Variants in USP15 observed in about 807,000 individuals in gnomAD.
USP15 encodes the protein ubiquitin specific peptidase 15.
Under a neutral mutation model 127.1 loss-of-function variants are expected in USP15, and 18 were observed. The observed-to-expected ratio is 0.14, with a 90% CI of 0.10 to 0.21. The LOEUF (loss-of-function observed/expected upper bound fraction) is 0.21, where lower values mean the gene tolerates loss of function less well. USP15 is among the 10% of genes least tolerant of loss of function. The pLI is 1.00. For synonymous variants in USP15, 364 were observed against 393.7 expected (o/e 0.92, Z 0.89); for missense variants, 805 against 1,159.9 (o/e 0.69, Z 4.44).
chr12:62,332,955 A>G (rs2065348867), intron 6 of USP15, among the ~76,000 whole-genome samples: 1 of 152,226 alleles, frequency 6.6e-6, no homozygotes, highest in Admixed American at 6.5e-5. Flanking sequence ...TTTTTGGTTG[A>G]GACAGATAGT....
intron 18 of USP15, 50 bp downstream of exon 18, chr12:62,392,437 C>T (rs1373551555): frequency 7.5e-7 from 1 of 1,334,084 alleles, no homozygotes; most frequent in South Asian, 1.3e-5. Context: ...AGGATTTATT[C>T]TGAGATATGT....
chr12:62,393,213 A>G lies in USP15; in HGVS notation c.2570+11A>G, dbSNP rs1054603608. 1.2e-6 allele frequency: 2 copies of G among 1,609,870 alleles called. No homozygotes were observed. Among genetic ancestry groups the G allele is most frequent in the African/African-American group, 2.7e-5 (2 of 74,756 alleles). ...TGATTTTCCTATCAAGTAAGCTTTA[A>G]TTGTACTTTATAAGCATTGGGCAAC... On this transcript the variant is annotated intron_variant, in intron 19 of 21. Transcript: ENST00000280377.
At chr12:62,374,414 C>CATA (rs2066763652) in intron 8 of USP15, 2 of 985,522 alleles carry the variant, frequency 2.0e-6, no homozygotes, top group Admixed American at 6.2e-5. Context: ...AAATAGTGAG[C>CATA]ATACATGATC....
At chr12:62,285,120 A>G (rs1400556388) in intron 1 of USP15, among the ~76,000 whole-genome samples, 3 of 152,118 alleles carry the variant, frequency 2.0e-5, no homozygotes, top group East Asian at 1.9e-4. Flanking sequence ...TAATATTTTT[A>G]TAGATTTAGG....
At position 62,394,191 on chromosome 12, in the gene USP15, T is replaced by G. The variant is rs1485524194; in HGVS notation, c.2570+989T>G. Among the ~76,000 whole-genome samples the G allele has an allele frequency of 6.6e-5, 10 of 152,236 alleles. No individual in the cohort carries two copies. The East Asian group carries it at 1.9e-3, about 29-fold the overall frequency. On this transcript the variant is annotated intron_variant, in intron 19 of 21. Transcript: ENST00000280377. ...AAGGGAACATTGTATTCCCCGTCAC[T>G]TAGTTATTCAGCAGAAGGACTTCAT... is the stretch of plus-strand genomic sequence containing the variant.
At chr12:62,391,741 A>G in intron 16 of USP15, 75 bp from the exon 17 acceptor site, 1 of 1,280,326 alleles carries the variant, frequency 7.8e-7, no homozygotes, top group Non-Finnish European at 1.1e-6. Flanking sequence ...ATTCTGGTGT[A>G]TATCCTAACA....
chr12:62,278,306 A>G (rs964395429), intron 1 of USP15, among the ~76,000 whole-genome samples: 5 of 152,192 alleles, frequency 3.3e-5, no homozygotes, highest in Admixed American at 3.3e-4. Context: ...GCTGTTCTAC[A>G]GCTAACTTTT....
rs1290260580 is a variant in USP15, at chr12:62,410,014, G to T, written c.*5639G>T. 6.6e-6 allele frequency: 1 copy of T among 151,926 alleles called. No individual in the cohort carries two copies. The allele number at this position is 151,926 out of a possible 1,614,324, so 9.4% of individuals were successfully genotyped here. The stretch of plus-strand genomic sequence containing the variant: ...AGTATGCTAAGTTTTAAGTAATTTA[G>T]ACTAATGTATTAAAGTGTTCACTTA... On this transcript the variant is annotated 3_prime_UTR_variant, in exon 22 of 22. Transcript: ENST00000280377.
At chr12:62,325,161 G>A (rs1410102457) in intron 5 of USP15, among the ~76,000 whole-genome samples, 6 of 151,890 alleles carry the variant, frequency 4.0e-5, no homozygotes, top group South Asian at 2.1e-4. Context: ...TAGACTGGAC[G>A]ATATAAGGAA....
At chr12:62,382,152 A>G (rs56126088) in intron 9 of USP15, among the ~76,000 whole-genome samples, 15,656 of 152,060 alleles carry the variant, frequency 0.1, 846 homozygotes, top group Middle Eastern at 0.17. Flanking sequence ...AAGCATTAAA[A>G]ATTAAATGTA....
At chr12:62,385,601 G>A (rs2067123582) in intron 11 of USP15, among the ~76,000 whole-genome samples, 1 of 151,984 alleles carries the variant, frequency 6.6e-6, no homozygotes, top group African/African-American at 2.4e-5. Flanking sequence ...AGAGTGCTAA[G>A]TACTATCCCT....
At position 62,415,194 on chromosome 12, in the gene USP15, A is replaced by G. The variant is rs1161660418; in HGVS notation, c.*10819A>G. On this transcript the variant is annotated 3_prime_UTR_variant, in exon 22 of 22. Coordinates refer to ENST00000280377, the MANE Select transcript of USP15 (RefSeq NM_001252078.2). ...GTTCCAGTCCACAAGCTACCTGGCTAAAGACCCAGGAAGACTGAATGTTTC... is the reference window on the plus strand; with the variant it reads ...GTTCCAGTCCACAAGCTACCTGGCTGAAGACCCAGGAAGACTGAATGTTTC... 3.3e-5 allele frequency: 5 copies of G among 152,206 alleles called. No homozygotes were observed. The highest frequency in any genetic ancestry group is 6.5e-5 in the Admixed American group (1 of 15,268). The allele number at this position is 152,206 out of a possible 1,614,324, so 9.4% of individuals were successfully genotyped here.
At chr12:62,316,209 C>T (rs1480126416) in intron 4 of USP15, among the ~76,000 whole-genome samples, 1 of 148,926 alleles carries the variant, frequency 6.7e-6, no homozygotes. Flanking sequence ...TTGCTTGAAC[C>T]GGGAGGTGGA....
intron 3 of USP15, among the ~76,000 whole-genome samples, chr12:62,313,123 A>G (rs936459197): frequency 6.6e-6 from 1 of 151,578 alleles, no homozygotes; most frequent in Non-Finnish European, 1.5e-5. Context: ...GATTTTAGCA[A>G]TGTAAAATGT....
intron 1 of USP15, among the ~76,000 whole-genome samples, chr12:62,285,630 C>A (rs991677403): frequency 6.6e-6 from 1 of 151,976 alleles, no homozygotes; most frequent in Non-Finnish European, 1.5e-5. Context: ...GAGTAGTATT[C>A]CATGGTGTGT....
chr12:62,353,489 G>C (rs532226070), intron 7 of USP15, among the ~76,000 whole-genome samples: 5 of 152,066 alleles, frequency 3.3e-5, no homozygotes, highest in Admixed American at 3.3e-4. Flanking sequence ...GTGTGTATAG[G>C]CATGACCATG....
Position 62,321,449 on chromosome 12 carries a change from C to G in USP15, c.476-15C>G. 1.3e-6 allele frequency: 2 copies of G among 1,484,354 alleles called. No individual in the cohort carries two copies. The highest frequency in any genetic ancestry group is 1.8e-6 in the Non-Finnish European group (2 of 1,093,638). The allele number at this position is 1,484,354 out of a possible 1,614,324, so 91.9% of individuals were successfully genotyped here. Reference sequence around the variant, plus strand: ...ATACATACTATATTTATATATCTTTCCTCCTTAAATCTAGATACAATTGAA... The same window carrying G: ...ATACATACTATATTTATATATCTTTGCTCCTTAAATCTAGATACAATTGAA... On this transcript the variant is annotated splice_polypyrimidine_tract_variant and intron_variant, in intron 4 of 21. Transcript: ENST00000280377.
chr12:62,389,723 A>G, intron 13 of USP15, 24 bp downstream of exon 13: 1 of 1,600,360 alleles, frequency 6.2e-7, no homozygotes, highest in South Asian at 1.1e-5. Context: ...TCATTGTGCA[A>G]AATATTACTT....
chr12:62,373,464 G>A (rs2137535034), intron 8 of USP15, among the ~76,000 whole-genome samples: 1 of 152,028 alleles, frequency 6.6e-6, no homozygotes, highest in East Asian at 1.9e-4. Context: ...TTTAAATGAA[G>A]TTTAATTTTA....
Sources: gnomAD v4.1 joint callset for allele counts (sites outside exome capture counted in the v4.1 genomes callset) on GRCh38, gnomAD v4.1.1 for gene constraint, MANE v1.5 for transcripts, NCBI Gene and HGNC (gene_info 2026-07-23, HGNC 2026-07-21) for gene names.